CFAP299: variants seen among roughly 807,000 people sequenced by gnomAD.
The protein encoded by CFAP299 is cilia- and flagella-associated protein 299.
CFAP299 carries 21 observed loss-of-function variants against 27.0 expected under a neutral mutation model. That is an observed-to-expected ratio of 0.78 (90% CI 0.55 to 1.12). CFAP299 has a LOEUF of 1.12. CFAP299 is among the 50% of genes most tolerant of loss of function. The probability of loss-of-function intolerance (pLI) is 0.00; values close to 1 mark genes in which losing one functional copy is unlikely to be tolerated. For missense variants in CFAP299, 310 were observed against 276.6 expected (o/e 1.12, Z -0.86); for synonymous variants, 104 against 98.1 (o/e 1.06, Z -0.36).
chr4:80,340,862 G>A (rs918022032), intron 1 of CFAP299, among the ~76,000 whole-genome samples: 5 of 151,602 alleles, frequency 3.3e-5, no homozygotes, highest in Admixed American at 6.6e-5. Flanking sequence ...AGCAACCTCC[G>A]CCTCTCAGGT....
intron 2 of CFAP299, among the ~76,000 whole-genome samples, chr4:80,398,287 T>C (rs987605570): frequency 2.0e-4 from 30 of 152,158 alleles, no homozygotes; most frequent in Non-Finnish European, 4.0e-4. Context: ...GATTCAATGC[T>C]GTCCCCATCA....
rs558929160 is a variant in CFAP299, at chr4:80,687,740, A to C, written c.333+104557A>C. ...CTACAGCTCCCAGCGTGAGCGACGC[A>C]GAAGACAGGTGATTTCTGCATTTCC... On this transcript the variant is annotated intron_variant, in intron 3 of 5. Coordinates refer to ENST00000358105, the MANE Select transcript of CFAP299 (RefSeq NM_152770.3). Among the ~76,000 whole-genome samples the C allele has an allele frequency of 8.1e-4, 124 of 152,298 alleles. 1 individual carries two copies. The highest frequency in any genetic ancestry group is 2.8e-3 in the African/African-American group (116 of 41,584).
At chr4:80,452,595 C>A (rs756045714) in intron 2 of CFAP299, among the ~76,000 whole-genome samples, 4 of 152,048 alleles carry the variant, frequency 2.6e-5, no homozygotes, top group Non-Finnish European at 5.9e-5. Flanking sequence ...CCTTTTGGAG[C>A]TAAAGCCACT....
intron 2 of CFAP299, among the ~76,000 whole-genome samples, chr4:80,484,673 A>G (rs1730722419): frequency 6.6e-6 from 1 of 152,210 alleles, no homozygotes; most frequent in Admixed American, 6.5e-5. Context: ...TATTTTATAA[A>G]TGTAAGCTAA....
intron 2 of CFAP299, among the ~76,000 whole-genome samples, chr4:80,469,067 AT>A (rs1205596931): frequency 1.3e-5 from 2 of 152,204 alleles, no homozygotes; most frequent in African/African-American, 4.8e-5. Context: ...TGTGCTATAT[AT>A]TTAGAAGCTT....
intron 3 of CFAP299, among the ~76,000 whole-genome samples, chr4:80,604,028 G>C (rs980483228): frequency 1.5e-4 from 23 of 152,212 alleles, no homozygotes; most frequent in Admixed American, 5.9e-4. Context: ...TTACATATTA[G>C]ACTGAAATTA....
intron 3 of CFAP299, among the ~76,000 whole-genome samples, chr4:80,654,784 CTTTT>C (rs369680550): frequency 2.4e-5 from 3 of 126,778 alleles, no homozygotes; most frequent in South Asian, 2.6e-4. Context: ...TAATTTTTAA[CTTTT>C]TTTTTTTTTT....
chr4:80,321,338 T>C, the CFAP299 span, among the ~76,000 whole-genome samples: 1 of 152,182 alleles, frequency 6.6e-6, no homozygotes, highest in Non-Finnish European at 1.5e-5. Flanking sequence ...TTTTTTCTTC[T>C]AGACAGCAAA....
At chr4:80,584,661 T>A (rs1191818611) in intron 3 of CFAP299, among the ~76,000 whole-genome samples, 1 of 152,086 alleles carries the variant, frequency 6.6e-6, no homozygotes. Context: ...CCAGTTGACC[T>A]GTATCTCTTC....
chr4:80,473,396 G>C (rs902806411), intron 2 of CFAP299, among the ~76,000 whole-genome samples: 1 of 151,724 alleles, frequency 6.6e-6, no homozygotes, highest in Non-Finnish European at 1.5e-5. Context: ...TGGTCCTGAA[G>C]TTTAATTTTA....
At chr4:80,574,379 A>C (rs1365732673) in intron 2 of CFAP299, among the ~76,000 whole-genome samples, 2 of 152,170 alleles carry the variant, frequency 1.3e-5, no homozygotes, top group Non-Finnish European at 2.9e-5. Context: ...TTCCAAATGT[A>C]AGATCATCTC....
intron 2 of CFAP299, among the ~76,000 whole-genome samples, chr4:80,486,257 T>C (rs1471352515): frequency 2.6e-5 from 4 of 152,348 alleles, no homozygotes; most frequent in African/African-American, 4.8e-5. Context: ...CCTTGTTTTC[T>C]AGAGGAAGCC....
intron 4 of CFAP299, among the ~76,000 whole-genome samples, chr4:80,917,702 T>C (rs543239011): frequency 6.6e-6 from 1 of 152,308 alleles, no homozygotes; most frequent in South Asian, 2.1e-4. Flanking sequence ...GAGCCTTTTG[T>C]ATTTTGAGGA....
intron 3 of CFAP299, among the ~76,000 whole-genome samples, chr4:80,787,679 C>G (rs1218035812): frequency 2.0e-5 from 3 of 152,008 alleles, no homozygotes; most frequent in African/African-American, 7.2e-5. Flanking sequence ...ACCAGAGCTC[C>G]TATGCCAGCA....
rs118123923 is a variant in CFAP299, at chr4:80,675,911, G to T, written c.333+92728G>T. On this transcript the variant is annotated intron_variant, in intron 3 of 5. Coordinates refer to ENST00000358105, the MANE Select transcript of CFAP299 (RefSeq NM_152770.3). ...ATCATTGGAAAAGCACAGTATGTGG[G>T]TGGGAGTGTCCCTATTTTCCAGGTA... Among the ~76,000 whole-genome samples the T allele has an allele frequency of 3.0e-4, 46 of 152,278 alleles. No homozygotes were observed. The East Asian group carries it at 6.2e-3, about 20-fold the overall frequency.
At chr4:80,785,507 C>T (rs1324286740) in intron 3 of CFAP299, among the ~76,000 whole-genome samples, 2 of 152,100 alleles carry the variant, frequency 1.3e-5, no homozygotes, top group Non-Finnish European at 2.9e-5. Context: ...CAATTTTCTG[C>T]TGGATGCTTG....
chr4:80,468,833 CAAAA>C (rs762711937), intron 2 of CFAP299, among the ~76,000 whole-genome samples: 1 of 70,492 alleles, frequency 1.4e-5, no homozygotes, highest in South Asian at 4.5e-4. Context: ...GACTCTGTCT[CAAAA>C]AAAAAAAAAA....
intron 2 of CFAP299, among the ~76,000 whole-genome samples, chr4:80,462,197 C>T (rs1729470993): frequency 6.6e-6 from 1 of 152,166 alleles, no homozygotes; most frequent in African/African-American, 2.4e-5. Context: ...TCAACATCTT[C>T]CTTTTCACTG....
At chr4:80,753,628 C>T (rs561631290) in intron 3 of CFAP299, among the ~76,000 whole-genome samples, 2 of 152,066 alleles carry the variant, frequency 1.3e-5, no homozygotes, top group South Asian at 2.1e-4. Flanking sequence ...GTTACACATA[C>T]GTTGGACTCT....
Sources: allele counts gnomAD v4.1 joint callset (sites outside exome capture counted in the v4.1 genomes callset), GRCh38; gene constraint gnomAD v4.1.1; transcripts MANE v1.5; gene names NCBI Gene and HGNC (gene_info 2026-07-23, HGNC 2026-07-21).